The following CDYL variants were observed in gnomAD, a reference collection of about 807,000 sequenced individuals.
The protein encoded by CDYL is chromodomain Y like.
Under a neutral mutation model 47.3 loss-of-function variants are expected in CDYL, and 8 were observed. The ratio of observed to expected loss-of-function variants is 0.17; its 90% CI spans 0.10 to 0.31. CDYL has a LOEUF of 0.31. Ranked by LOEUF, CDYL falls within the 10% of genes least tolerant of loss-of-function variation. CDYL has a pLI of 1.00. For synonymous variants in CDYL, 266 were observed against 265.0 expected (o/e 1.00, Z -0.04); for missense variants, 471 against 701.4 (o/e 0.67, Z 3.71).
chr6:4,805,481 G>T (rs533585955), intron 1 of CDYL, among the ~76,000 whole-genome samples: 32 of 152,300 alleles, frequency 2.1e-4, no homozygotes, highest in African/African-American at 7.5e-4. Flanking sequence ...GTTAGAGAGA[G>T]ATATATAGAA....
chr6:4,920,613 T>C (rs1757683201), intron 2 of CDYL, among the ~76,000 whole-genome samples: 1 of 152,092 alleles, frequency 6.6e-6, no homozygotes, highest in African/African-American at 2.4e-5. Context: ...ATTAATCAAA[T>C]TCGTTCAGTT....
chr6:4,723,322 G>C (rs560307453), intron 2 of CDYL, among the ~76,000 whole-genome samples: 1 of 151,920 alleles, frequency 6.6e-6, no homozygotes, highest in Non-Finnish European at 1.5e-5. Flanking sequence ...GTATTCCTAG[G>C]GTCCTAGAAC....
At chr6:4,864,670 G>A (rs1393215482) in intron 1 of CDYL, among the ~76,000 whole-genome samples, 1 of 152,030 alleles carries the variant, frequency 6.6e-6, no homozygotes, top group Non-Finnish European at 1.5e-5. Context: ...AAGATCTGAT[G>A]GGTTTATCAT....
At chr6:4,817,356 A>AAC (rs1482366133) in intron 1 of CDYL, among the ~76,000 whole-genome samples, 3 of 111,444 alleles carry the variant, frequency 2.7e-5, no homozygotes, top group Admixed American at 9.1e-5. Flanking sequence ...TAAGAGAATT[A>AAC]AAAAAAAAAA....
chr6:4,935,237 A>G (rs1758153858), intron 2 of CDYL, among the ~76,000 whole-genome samples: 1 of 152,226 alleles, frequency 6.6e-6, no homozygotes, highest in Non-Finnish European at 1.5e-5. Context: ...GTCCTTTAAA[A>G]AAATCTCTAA....
At chr6:4,907,368 T>C (rs1469893586) in intron 2 of CDYL, among the ~76,000 whole-genome samples, 1 of 152,234 alleles carries the variant, frequency 6.6e-6, no homozygotes, top group African/African-American at 2.4e-5. Context: ...GTTTTCTTTT[T>C]TTCTGAGACA....
intron 3 of CDYL, among the ~76,000 whole-genome samples, chr6:4,742,038 A>T (rs1366731504): frequency 6.6e-6 from 1 of 152,186 alleles, no homozygotes. Flanking sequence ...GAGCAAAATA[A>T]GCAGACACAC....
chr6:4,818,032 A>G (rs916650052), intron 1 of CDYL, among the ~76,000 whole-genome samples: 1 of 152,140 alleles, frequency 6.6e-6, no homozygotes, highest in Admixed American at 6.6e-5. Flanking sequence ...TGAGGCGGGC[A>G]GATTGCTTGA....
intron 2 of CDYL, among the ~76,000 whole-genome samples, chr6:4,903,201 G>A (rs56278978): frequency 2.6e-5 from 4 of 152,094 alleles, no homozygotes; most frequent in South Asian, 2.1e-4. Flanking sequence ...CTTAGGGGAC[G>A]TCCTCCAAAT....
chr6:4,857,579 G>A (rs1262510397), intron 1 of CDYL, among the ~76,000 whole-genome samples: 1 of 152,164 alleles, frequency 6.6e-6, no homozygotes, highest in East Asian at 1.9e-4. Flanking sequence ...CAGGTAGATC[G>A]TTGAGGACTA....
Position 4,952,352 on chromosome 6 carries a change from G to A in CDYL, c.1419G>A (p.Gly473=), listed in dbSNP as rs779713787. 19 of 1,614,090 alleles carry A rather than the reference G, an allele frequency of 1.2e-5. No homozygotes were observed. Among genetic ancestry groups the A allele is most frequent in the Non-Finnish European group, 1.4e-5 (17 of 1,180,038 alleles). The part of the protein sequence containing the change: ...KGLVSQVFWP[G]TFTQEVMVRI... Reference sequence around the variant, plus strand: ...TGGTCTCCCAGGTGTTTTGGCCCGGGACGTTCACTCAGGAAGTGATGGTTC... The same window carrying A: ...TGGTCTCCCAGGTGTTTTGGCCCGGAACGTTCACTCAGGAAGTGATGGTTC... The change falls in exon 6 of 7, where the codon GGG becomes GGA. Residue 473 remains glycine (G), a synonymous_variant. Coordinates refer to ENST00000397588, the MANE Select transcript of CDYL (RefSeq NM_004824.4).
At chr6:4,787,336 A>G (rs563998583) in intron 1 of CDYL, among the ~76,000 whole-genome samples, 7 of 152,222 alleles carry the variant, frequency 4.6e-5, no homozygotes, top group Non-Finnish European at 8.8e-5. Context: ...TTTCCCCAGA[A>G]TCATTTGGCA....
At chr6:4,862,944 A>T (rs960763756) in intron 1 of CDYL, among the ~76,000 whole-genome samples, 2 of 152,228 alleles carry the variant, frequency 1.3e-5, no homozygotes, top group African/African-American at 2.4e-5. Context: ...AAATCATGGA[A>T]TCTACTTAAG....
At chr6:4,890,661 G>A (rs567195663) in intron 1 of CDYL, among the ~76,000 whole-genome samples, 3 of 152,246 alleles carry the variant, frequency 2.0e-5, no homozygotes, top group Admixed American at 6.5e-5. Context: ...CGAGTATTTG[G>A]GGATGTTAGA....
chr6:4,821,092 T>C (rs1330113372), intron 1 of CDYL, among the ~76,000 whole-genome samples: 1 of 152,156 alleles, frequency 6.6e-6, no homozygotes, highest in Admixed American at 6.5e-5. Flanking sequence ...CCTTTATCAT[T>C]ATTCATTTCT....
intron 1 of CDYL, among the ~76,000 whole-genome samples, chr6:4,855,564 TCA>T (rs943143724): frequency 2.0e-5 from 3 of 151,964 alleles, no homozygotes; most frequent in African/African-American, 4.9e-5. Flanking sequence ...CCACGATTTT[TCA>T]CACAGTTTTT....
At chr6:4,819,162 C>CTCTCTCTCTCTCTGTGTGTGTGTG (rs1016051589) in intron 1 of CDYL, among the ~76,000 whole-genome samples, 2 of 111,942 alleles carry the variant, frequency 1.8e-5, no homozygotes, top group Middle Eastern at 3.7e-3. Flanking sequence ...CTCTCTCTCT[C>CTCTCTCTCTCTCTGTGTGTGTGTG]TGTGTGTGTG....
intron 5 of CDYL, among the ~76,000 whole-genome samples, chr6:4,952,033 T>C (rs1241823362): frequency 2.6e-5 from 4 of 152,106 alleles, no homozygotes; most frequent in African/African-American, 7.2e-5. Flanking sequence ...TAAGACACTT[T>C]TTGCTTTCCT....
intron 3 of CDYL, among the ~76,000 whole-genome samples, chr6:4,735,959 T>C (rs1474448028): frequency 6.6e-6 from 1 of 151,990 alleles, no homozygotes; most frequent in Non-Finnish European, 1.5e-5. Context: ...TCTTGGTAAA[T>C]GCTCAAGTAT....
Sources: allele counts gnomAD v4.1 joint callset (sites outside exome capture counted in the v4.1 genomes callset), GRCh38; gene constraint gnomAD v4.1.1; transcripts MANE v1.5; gene names NCBI Gene and HGNC (gene_info 2026-07-23, HGNC 2026-07-21).